Variants in CNTNAP2 observed in about 807,000 individuals in gnomAD.
CNTNAP2 encodes the protein contactin associated protein 2, also known as contactin-associated protein-like 2.
CNTNAP2 carries 98 observed loss-of-function variants against 155.2 expected under a neutral mutation model. The observed-to-expected ratio is 0.63, with a 90% CI of 0.54 to 0.75. The LOEUF is 0.75. Among genes scored for constraint, CNTNAP2 ranks in the 30% least tolerant of loss-of-function variants. The pLI is 0.00. For synonymous variants in CNTNAP2, 651 were observed against 631.2 expected (o/e 1.03, Z -0.47); for missense variants, 1,727 against 1,688.1 (o/e 1.02, Z -0.40).
chr7:146,667,127 C>G (rs999400343), intron 1 of CNTNAP2, among the ~76,000 whole-genome samples: 1 of 152,002 alleles, frequency 6.6e-6, no homozygotes, highest in Admixed American at 6.6e-5. Flanking sequence ...GGTCTTATAT[C>G]TTGGTCTTTG....
intron 10 of CNTNAP2, among the ~76,000 whole-genome samples, chr7:147,461,896 T>C (rs1334394240): frequency 6.6e-6 from 1 of 152,230 alleles, no homozygotes; most frequent in Non-Finnish European, 1.5e-5. Flanking sequence ...AGTTAACTTA[T>C]AAGAATGTGA....
rs536494232 is a variant in CNTNAP2 at position 147,360,878 on chromosome 7, C to T, written c.1499-34731C>T. Among the ~76,000 whole-genome samples, 7 of 152,088 alleles carry T rather than the reference C, an allele frequency of 4.6e-5. No individual in the cohort carries two copies. In the East Asian group the frequency reaches 5.8e-4, roughly 13 times the overall value. ...TTATATGAAAAGGTATGTAGGTGGT[C>T]GCAGAAGGGGTCAGAGAAGGTAAGT... On this transcript the variant is annotated intron_variant, in intron 9 of 23. Transcript: ENST00000361727.
intron 1 of CNTNAP2, among the ~76,000 whole-genome samples, chr7:146,312,396 CT>C (rs1430810875): frequency 1.3e-5 from 2 of 151,816 alleles, no homozygotes; most frequent in African/African-American, 4.9e-5. Context: ...CACTGTTAGG[CT>C]TTGGTGTGTT....
rs903793348 is a variant in CNTNAP2 at position 147,070,461 on chromosome 7, A to ATATTC, written c.550+26408_550+26412dup. ...TCGTATTAACCACACCTAAGAACGG[A>ATATTC]TATTCGGGGAATTCTGAGATCCTAA... On this transcript the variant is annotated intron_variant, in intron 4 of 23. Transcript: ENST00000361727. 4.3e-4 allele frequency among the ~76,000 whole-genome samples: 65 copies of ATATTC among 152,312 alleles called. 1 individual carries two copies. Among genetic ancestry groups the ATATTC allele is most frequent in the African/African-American group, 1.5e-3 (61 of 41,564 alleles).
chr7:146,163,048 C>A (rs149851582), intron 1 of CNTNAP2, among the ~76,000 whole-genome samples: 32 of 152,172 alleles, frequency 2.1e-4, no homozygotes, highest in African/African-American at 7.2e-4. Flanking sequence ...GTGAGATATA[C>A]CTGATGTAAA....
At chr7:148,106,489 T>A (rs1804220532) in intron 15 of CNTNAP2, among the ~76,000 whole-genome samples, 1 of 87,636 alleles carries the variant, frequency 1.1e-5, no homozygotes, top group Non-Finnish European at 2.2e-5. Flanking sequence ...ACTGCACACT[T>A]TGAGATATAT....
At chr7:146,951,511 A>G (rs1797312788) in intron 3 of CNTNAP2, among the ~76,000 whole-genome samples, 1 of 152,156 alleles carries the variant, frequency 6.6e-6, no homozygotes, top group South Asian at 2.1e-4. Flanking sequence ...TTTTCTGCAT[A>G]TGGCTAGCTA....
chr7:148,168,455 T>C (rs1015647010), intron 17 of CNTNAP2, among the ~76,000 whole-genome samples: 1 of 150,926 alleles, frequency 6.6e-6, no homozygotes, highest in Non-Finnish European at 1.5e-5. Context: ...AGCAAACTGT[T>C]GCAAGGACGA....
chr7:146,306,983 C>A (rs943496162), intron 1 of CNTNAP2, among the ~76,000 whole-genome samples: 2 of 152,080 alleles, frequency 1.3e-5, no homozygotes, highest in Non-Finnish European at 1.5e-5. Context: ...CTGGCCAGGG[C>A]AATCAGGCAA....
chr7:147,840,841 T>C (rs1383404917), intron 13 of CNTNAP2, among the ~76,000 whole-genome samples: 1 of 151,976 alleles, frequency 6.6e-6, no homozygotes, highest in Non-Finnish European at 1.5e-5. Context: ...GATCAGAAAG[T>C]AGAATCATAA....
In CNTNAP2 at chr7:147,375,925, A is replaced by T. The variant is rs373435997; in HGVS notation, c.1499-19684A>T. Among the ~76,000 whole-genome samples, 193 of 152,082 alleles carry T rather than the reference A, an allele frequency of 1.3e-3. 4 individuals carry two copies. The Middle Eastern group carries it at 0.017, about 13-fold the overall frequency. ...AGCCAGCAGTTCTTCCAGGTTTGTG[A>T]TTCACAGATACCCTGGAAGAATTGA... On this transcript the variant is annotated intron_variant, in intron 9 of 23. Transcript: ENST00000361727.
chr7:147,366,182 T>A (rs1796226387), intron 9 of CNTNAP2, among the ~76,000 whole-genome samples: 1 of 152,152 alleles, frequency 6.6e-6, no homozygotes, highest in Admixed American at 6.6e-5. Flanking sequence ...TGTACTTTTA[T>A]CCCATTCATT....
chr7:147,873,750 T>C (rs911716175), intron 13 of CNTNAP2, among the ~76,000 whole-genome samples: 16 of 152,026 alleles, frequency 1.1e-4, no homozygotes, highest in African/African-American at 3.9e-4. Flanking sequence ...CAGCATTAAC[T>C]CAAAAGTCCA....
At chr7:147,527,501 G>T (rs1440949925) in intron 11 of CNTNAP2, among the ~76,000 whole-genome samples, 1 of 152,180 alleles carries the variant, frequency 6.6e-6, no homozygotes, top group Non-Finnish European at 1.5e-5. Flanking sequence ...TCAAGAAAAT[G>T]TATACATACT....
At chr7:148,082,060 C>T (rs1213551603) in intron 15 of CNTNAP2, among the ~76,000 whole-genome samples, 2 of 151,996 alleles carry the variant, frequency 1.3e-5, no homozygotes, top group Non-Finnish European at 2.9e-5. Flanking sequence ...GATTCTCCTG[C>T]CTTGGCCTCC....
chr7:147,561,142 T>A (rs528217444), intron 11 of CNTNAP2, among the ~76,000 whole-genome samples: 1 of 152,318 alleles, frequency 6.6e-6, no homozygotes, highest in African/African-American at 2.4e-5. Context: ...CAATTATTTT[T>A]AATTAGTACA....
At chr7:148,217,214 G>GC in intron 18 of CNTNAP2, 74 bp from the exon 19 acceptor site, 1 of 1,461,058 alleles carries the variant, frequency 6.8e-7, no homozygotes, top group Non-Finnish European at 9.6e-7. Context: ...TCCATGAACT[G>GC]CTGGAGAGGT....
In CNTNAP2 at chr7:148,314,888, G is replaced by A. The variant is rs1049329098; in HGVS notation, c.3475+47762G>A. Among the ~76,000 whole-genome samples, 7 of 152,144 alleles carry A rather than the reference G, an allele frequency of 4.6e-5. No homozygotes were observed. In the East Asian group the frequency reaches 7.7e-4, roughly 17 times the overall value. ...TCTTCCCCAGTCCGTGACCGGTGCCGGAGTTTTGGGTCCACAGATAAAACG... is the reference window on the plus strand; with the variant it reads ...TCTTCCCCAGTCCGTGACCGGTGCCAGAGTTTTGGGTCCACAGATAAAACG... On this transcript the variant is annotated intron_variant, in intron 21 of 23. Coordinates refer to ENST00000361727, the MANE Select transcript of CNTNAP2 (RefSeq NM_014141.6).
At chr7:147,822,120 T>G (rs2116623076) in intron 13 of CNTNAP2, among the ~76,000 whole-genome samples, 1 of 152,202 alleles carries the variant, frequency 6.6e-6, no homozygotes, top group South Asian at 2.1e-4. Flanking sequence ...CAAGAGCAAT[T>G]TCTATGGAGT....
Sources: allele counts gnomAD v4.1 joint callset (sites outside exome capture counted in the v4.1 genomes callset), GRCh38; gene constraint gnomAD v4.1.1; transcripts MANE v1.5; gene names NCBI Gene and HGNC (gene_info 2026-07-23, HGNC 2026-07-21).